GTPBP1: variants seen among roughly 807,000 people sequenced by gnomAD.
GTPBP1 encodes the protein GTP-binding protein 1.
GTPBP1 carries 23 observed loss-of-function variants against 62.0 expected under a neutral mutation model. The ratio of observed to expected loss-of-function variants is 0.37; its 90% CI spans 0.27 to 0.53. The LOEUF (loss-of-function observed/expected upper bound fraction) is 0.53. GTPBP1 is among the 20% of genes least tolerant of loss of function. The pLI is 0.89. For synonymous variants in GTPBP1, 344 were observed against 364.4 expected, an observed-to-expected ratio of 0.94 and a Z score of 0.64; for missense variants, 640 against 917.3, an observed-to-expected ratio of 0.70 and a Z score of 3.90.
rs1406019899 is a variant in GTPBP1, at chr22:38,730,501, G to A, written c.1918-111G>A. On this transcript the variant is annotated intron_variant, in intron 11 of 11. Coordinates refer to ENST00000216044, the MANE Select transcript of GTPBP1 (RefSeq NM_004286.5). This position sits in a 1 kb window ranked among gnomAD's most constrained non-coding sequence, Gnocchi z 5.6. ...CTGGTCAGGCTAGGGTGAGGACCACGCAGCCTGCTCACGCATCTTCCGTCC... is the reference window on the plus strand; with the variant it reads ...CTGGTCAGGCTAGGGTGAGGACCACACAGCCTGCTCACGCATCTTCCGTCC... 4.0e-6 allele frequency: 3 copies of A among 750,038 alleles called. No individual in the cohort carries two copies. In the East Asian group the frequency reaches 7.7e-5, roughly 19 times the overall value. The allele number at this position is 750,038 out of a possible 1,614,324, so 46.5% of individuals were successfully genotyped here. A position where few individuals can be genotyped will look rare whatever the true frequency, so the allele number is the denominator to read the frequency against.
At chr22:38,739,724 C>T (rs2092837775), downstream of GTPBP1, 1 of 1,613,364 alleles carries the variant, frequency 6.2e-7, no homozygotes, top group Non-Finnish European at 8.5e-7. The surrounding 1 kb of genome is among the most constrained non-coding windows in gnomAD (Gnocchi z 6.7). Context: ...GGCCTCACCT[C>T]CTCTGTCACT....
intron 2 of GTPBP1, among the ~76,000 whole-genome samples, chr22:38,710,246 T>C (rs984417169): frequency 1.3e-5 from 2 of 152,228 alleles, no homozygotes; most frequent in Non-Finnish European, 2.9e-5. Flanking sequence ...TTTATACATA[T>C]CTATTAAGTA....
At chr22:38,714,684 T>C (rs561198154) in intron 2 of GTPBP1, among the ~76,000 whole-genome samples, 2 of 152,110 alleles carry the variant, frequency 1.3e-5, no homozygotes. Flanking sequence ...GGTTTTCCTT[T>C]CCTTAGTTTA....
chr22:38,706,489 C>A (rs913387431), intron 1 of GTPBP1: 43 of 195,836 alleles, frequency 2.2e-4, no homozygotes, highest in Non-Finnish European at 3.7e-4. Flanking sequence ...GCTCAGTGCC[C>A]CTCCCCGTTC....
At chr22:38,721,336 G>C (rs943651188) in intron 4 of GTPBP1, among the ~76,000 whole-genome samples, 2 of 152,090 alleles carry the variant, frequency 1.3e-5, no homozygotes, top group African/African-American at 2.4e-5. Flanking sequence ...CCTTGACCTC[G>C]CAAAGTGCTG....
chr22:38,737,745 G>A, downstream of GTPBP1: 1 of 372,312 alleles, frequency 2.7e-6, no homozygotes, highest in Non-Finnish European at 5.3e-6. The surrounding 1 kb of genome is among the most constrained non-coding windows in gnomAD (Gnocchi z 4.1). Flanking sequence ...TGGAGACTGG[G>A]AATCTGCATT....
Position 38,726,502 on chromosome 22 carries a change from T to A in GTPBP1, c.1401+62T>A. 7.1e-7 allele frequency: 1 copy of A among 1,413,396 alleles called. No homozygotes were observed. Among genetic ancestry groups the A allele is most frequent in the Non-Finnish European group, 9.9e-7 (1 of 1,008,414 alleles). The allele number at this position is 1,413,396 out of a possible 1,614,324, so 87.6% of individuals were successfully genotyped here. A position where few individuals can be genotyped will look rare whatever the true frequency, so the allele number is the denominator to read the frequency against. On this transcript the variant is annotated intron_variant, in intron 8 of 11. Coordinates refer to ENST00000216044, the MANE Select transcript of GTPBP1 (RefSeq NM_004286.5). This position sits in a 1 kb window ranked among gnomAD's most constrained non-coding sequence, Gnocchi z 4.1. ...CCATCATGCTAGGCTCTTGGCCAGA[T>A]GCCCTGCTCACCCACTCTAGTCCTC...
In GTPBP1 at chr22:38,716,110, T is replaced by A; in HGVS notation, c.485+23T>A. Reference sequence around the variant, plus strand: ...CAGGTGAGGAGGCCGCGGGACATTTTGGGGTCCCCATTCTTCACAGAGGTT... The same window carrying A: ...CAGGTGAGGAGGCCGCGGGACATTTAGGGGTCCCCATTCTTCACAGAGGTT... On this transcript the variant is annotated intron_variant, in intron 3 of 11. Coordinates refer to ENST00000216044, the MANE Select transcript of GTPBP1 (RefSeq NM_004286.5). This position sits in a 1 kb window ranked among gnomAD's most constrained non-coding sequence, Gnocchi z 5.2. 1.3e-6 allele frequency: 2 copies of A among 1,552,036 alleles called. No homozygotes were observed. Among genetic ancestry groups the A allele is most frequent in the Non-Finnish European group, 1.7e-6 (2 of 1,144,958 alleles).
intron 1 of GTPBP1, among the ~76,000 whole-genome samples, chr22:38,707,666 A>G (rs1488269971): frequency 3.9e-5 from 6 of 152,230 alleles, no homozygotes; most frequent in African/African-American, 1.4e-4. Context: ...ATGATAGGAA[A>G]TTGCAGGGCA....
chr22:38,723,444 G>T, intron 5 of GTPBP1: 1 of 1,079,590 alleles, frequency 9.3e-7, no homozygotes, highest in Non-Finnish European at 1.4e-6. Context: ...ATGCCCCAAG[G>T]AATGGCACTC....
intron 1 of GTPBP1, among the ~76,000 whole-genome samples, chr22:38,708,562 C>T (rs908645073): frequency 1.1e-3 from 160 of 152,310 alleles, no homozygotes; most frequent in African/African-American, 3.7e-3. Context: ...CACTTGGGTC[C>T]TGCCCTTCCT....
downstream of GTPBP1, chr22:38,739,373 G>A (rs572241852): frequency 1.3e-5 from 21 of 1,613,128 alleles, no homozygotes; most frequent in South Asian, 5.5e-5. This position sits in a 1 kb window ranked among gnomAD's most constrained non-coding sequence, Gnocchi z 6.7. Flanking sequence ...CTGCCAGCCC[G>A]ATGCGGTCCT....
chr22:38,733,122 G>C lies in GTPBP1; in HGVS notation c.*2418G>C, dbSNP rs1045871562. 6.6e-6 allele frequency: 1 copy of C among 152,304 alleles called. No homozygotes were observed. The highest frequency in any genetic ancestry group is 1.5e-5 in the Non-Finnish European group (1 of 68,110). 9.4% of individuals were successfully genotyped at this position (152,304 alleles called of 1,614,324 possible). A position where few individuals can be genotyped will look rare whatever the true frequency, so the allele number is the denominator to read the frequency against. On this transcript the variant is annotated 3_prime_UTR_variant, in exon 12 of 12. Transcript: ENST00000216044. ...CTGCGTGCCCACTGGCTCCAGCCTG[G>C]TCCTCTGTCTCTTGGCTGCTTCACT...
Position 38,714,478 on chromosome 22 carries a change from C to CAAAAA in GTPBP1, c.305-1412_305-1408dup, listed in dbSNP as rs34257833. 4.1e-3 allele frequency among the ~76,000 whole-genome samples: 192 copies of CAAAAA among 46,344 alleles called. 2 individuals are homozygous for CAAAAA. The highest frequency in any genetic ancestry group is 0.013 in the African/African-American group (173 of 13,224). The allele number at this position is 46,344 out of a possible 152,430, so 30.4% of individuals were successfully genotyped here. A position where few individuals can be genotyped will look rare whatever the true frequency, so the allele number is the denominator to read the frequency against. ...TGGGTGACAGAGTGAGACTCCATCTCAAAAAAAAAAAAAAAAAAAAAGGCC... is the reference window on the plus strand; with the variant it reads ...TGGGTGACAGAGTGAGACTCCATCTCAAAAAAAAAAAAAAAAAAAAAAAAAAGGCC... On this transcript the variant is annotated intron_variant, in intron 2 of 11. Transcript: ENST00000216044.
intron 5 of GTPBP1, 64 bp from the exon 6 acceptor site, chr22:38,724,233 C>A: frequency 1.1e-6 from 1 of 924,418 alleles, no homozygotes; most frequent in Non-Finnish European, 1.8e-6. Flanking sequence ...ACCCATCTTG[C>A]TCTTAAAGCC....
At chr22:38,736,378 G>A (rs751159582), downstream of GTPBP1, 4 of 1,611,842 alleles carry the variant, frequency 2.5e-6, no homozygotes, top group African/African-American at 1.3e-5. Context: ...CCATCGTAGG[G>A]GCCTGGGTAG....
downstream of GTPBP1, chr22:38,739,838 G>T (rs755340664): frequency 6.2e-6 from 10 of 1,613,588 alleles, no homozygotes; most frequent in Admixed American, 1.7e-4. The surrounding 1 kb of genome is among the most constrained non-coding windows in gnomAD (Gnocchi z 6.7). Flanking sequence ...TTGCTCTCCA[G>T]CTCTCGCAGC....
At chr22:38,725,542 G>C (rs1569283446) in intron 6 of GTPBP1, 1 of 156,218 alleles carries the variant, frequency 6.4e-6, no homozygotes, top group Non-Finnish European at 1.4e-5. Flanking sequence ...TTTAGGAGAA[G>C]GGAGAGTTCT....
downstream of GTPBP1, chr22:38,741,098 T>C: frequency 1.3e-6 from 2 of 1,563,416 alleles, no homozygotes; most frequent in Non-Finnish European, 1.7e-6. Flanking sequence ...TCTCAGAAAT[T>C]GGTGTTCCAG....
Sources: allele counts gnomAD v4.1 joint callset (sites outside exome capture counted in the v4.1 genomes callset), GRCh38; gene constraint gnomAD v4.1.1; non-coding constraint Gnocchi (gnomAD v3.1); transcripts MANE v1.5; gene names NCBI Gene and HGNC (gene_info 2026-07-23, HGNC 2026-07-21).